The following EREG variants were observed in gnomAD, a reference collection of about 807,000 sequenced individuals.
EREG encodes the protein proepiregulin.
Under a neutral mutation model 22.4 loss-of-function variants are expected in EREG, and 23 were observed. The observed-to-expected ratio is 1.03, with a 90% CI of 0.74 to 1.46. EREG has a LOEUF of 1.46. EREG is among the 40% of genes most tolerant of loss of function. EREG has a pLI of 0.00. For missense variants in EREG, 226 were observed against 205.9 expected (o/e 1.10, Z -0.60); for synonymous variants, 100 against 75.4 (o/e 1.33, Z -1.69).
Position 74,373,533 on chromosome 4 carries a change from A to T in EREG, c.68-5915A>T, listed in dbSNP as rs144177748. On this transcript the variant is annotated intron_variant, in intron 1 of 4. Coordinates refer to ENST00000244869, the MANE Select transcript of EREG (RefSeq NM_001432.3). ...TTAATGAAGTGCAGTTACAAAGCTA[A>T]CATTAAAAATATATAGGAATAGAAT... Among the ~76,000 whole-genome samples the T allele has an allele frequency of 3.6e-3, 539 of 151,198 alleles. 3 individuals are homozygous for T. The highest frequency in any genetic ancestry group is 0.013 in the African/African-American group (519 of 41,362).
In EREG at chr4:74,365,780, T is replaced by C. The variant is rs938001097; in HGVS notation, c.67+405T>C. On this transcript the variant is annotated intron_variant, in intron 1 of 4. Transcript: ENST00000244869. ...GGAGAGTGGGGAATAGAAACTAGCGTAAGAAATTTTTTGGAGGGGGGAAAA... is the reference window on the plus strand; with the variant it reads ...GGAGAGTGGGGAATAGAAACTAGCGCAAGAAATTTTTTGGAGGGGGGAAAA... Among the ~76,000 whole-genome samples the C allele has an allele frequency of 2.2e-4, 33 of 151,352 alleles. 1 individual carries two copies. The highest frequency in any genetic ancestry group is 8.0e-4 in the African/African-American group (33 of 41,042).
chr4:74,376,401 A>C (rs762550858), intron 1 of EREG, among the ~76,000 whole-genome samples: 1 of 152,248 alleles, frequency 6.6e-6, no homozygotes, highest in Non-Finnish European at 1.5e-5. Flanking sequence ...AGCACGTGCA[A>C]CTAAAACTCC....
chr4:74,366,702 A>C (rs1243167485), intron 1 of EREG, among the ~76,000 whole-genome samples: 2 of 152,136 alleles, frequency 1.3e-5, no homozygotes, highest in East Asian at 3.8e-4. Context: ...GAATATTCTA[A>C]TTTGAGACAG....
At position 74,387,262 on chromosome 4, in the gene EREG, A is replaced by C. The variant is rs952342995; in HGVS notation, c.*2454A>C. 4 of 152,036 alleles carry C rather than the reference A, an allele frequency of 2.6e-5. No individual in the cohort carries two copies. The highest frequency in any genetic ancestry group is 9.7e-5 in the African/African-American group (4 of 41,378). The allele number at this position is 152,036 out of a possible 1,614,324, so 9.4% of individuals were successfully genotyped here. A position where few individuals can be genotyped will look rare whatever the true frequency, so the allele number is the denominator to read the frequency against. On this transcript the variant is annotated 3_prime_UTR_variant, in exon 5 of 5. Transcript: ENST00000244869. ...CAGTCCCCTGTGGATACCAAGGTAC[A>C]ACTGTATTTATTAACGCTTACTAGA...
rs554231139 is a variant in EREG, at chr4:74,388,036, G to T, written c.*3228G>T. On this transcript the variant is annotated 3_prime_UTR_variant, in exon 5 of 5. Coordinates refer to ENST00000244869, the MANE Select transcript of EREG (RefSeq NM_001432.3). ...AAGTGATGGGAGAATTGGTATACTGGTATGACTACGTCTTAAGTCAGATTT... is the reference window on the plus strand; with the variant it reads ...AAGTGATGGGAGAATTGGTATACTGTTATGACTACGTCTTAAGTCAGATTT... The T allele has an allele frequency of 5.3e-5, 8 of 152,274 alleles. No homozygotes were observed. The East Asian group carries it at 1.5e-3, about 29-fold the overall frequency. The allele number at this position is 152,274 out of a possible 1,614,324, so 9.4% of individuals were successfully genotyped here.
At position 74,381,349 on chromosome 4, in the gene EREG, G is replaced by A. The variant is rs1752471483; in HGVS notation, c.278+212G>A. 8.6e-6 allele frequency: 4 copies of A among 464,722 alleles called. No homozygotes were observed. The East Asian group carries it at 1.1e-4, about 13-fold the overall frequency. 28.8% of individuals were successfully genotyped at this position (464,722 alleles called of 1,614,324 possible). On this transcript the variant is annotated intron_variant, in intron 3 of 4. Coordinates refer to ENST00000244869, the MANE Select transcript of EREG (RefSeq NM_001432.3). The stretch of plus-strand genomic sequence containing the variant: ...TCTTCTACCTTTTGAAGTCTCCAGA[G>A]TCTATTACTCCACTCTCTATGACCA...
intron 1 of EREG, among the ~76,000 whole-genome samples, chr4:74,375,410 C>T (rs1248078773): frequency 7.2e-6 from 1 of 139,184 alleles, no homozygotes; most frequent in East Asian, 2.2e-4. Context: ...GCTCCGCCTC[C>T]TGGGTTCAAG....
At chr4:74,371,858 T>C (rs74995503) in intron 1 of EREG, among the ~76,000 whole-genome samples, 6 of 124,294 alleles carry the variant, frequency 4.8e-5, no homozygotes, top group Non-Finnish European at 8.0e-5. Flanking sequence ...GCATTCTCTG[T>C]TTTTTTTTTT....
In EREG at chr4:74,365,378, A is replaced by G; in HGVS notation, c.67+3A>G. 6.2e-7 allele frequency: 1 copy of G among 1,611,870 alleles called. No homozygotes were observed. Among genetic ancestry groups the G allele is most frequent in the South Asian group, 1.1e-5 (1 of 91,034 alleles). On this transcript the variant is annotated splice_donor_region_variant and intron_variant, in intron 1 of 4. Transcript: ENST00000244869. ...CCCTGCGCTGCTGCTCTGCCTGGGT[A>G]AGTTCTCCCCCTCTGGCTTCCGGCC...
Position 74,382,762 on chromosome 4 carries a change from A to G in EREG, c.396A>G (p.Thr132=). 5.0e-6 allele frequency: 8 copies of G among 1,613,664 alleles called. No individual in the cohort carries two copies. The highest frequency in any genetic ancestry group is 6.8e-6 in the Non-Finnish European group (8 of 1,179,794). ...TVILIILFLI[T]VVGSTYYFCR... ...TTCTTATTATTTTGTTTCTTATCAC[A>G]GTCGTCGGTTCCACATATTATTTCT... The change falls in exon 4 of 5, where the codon ACA becomes ACG. Residue 132 remains threonine, a synonymous_variant. Coordinates refer to ENST00000244869, the MANE Select transcript of EREG (RefSeq NM_001432.3).
intron 4 of EREG, among the ~76,000 whole-genome samples, chr4:74,384,401 AAGAG>A (rs1273845710): frequency 1.3e-5 from 2 of 152,206 alleles, no homozygotes; most frequent in Admixed American, 1.3e-4. Context: ...AGGAAAAAGA[AAGAG>A]AGACAGAAAA....
Position 74,382,783 on chromosome 4 carries a change from T to A in EREG, c.417T>A (p.Tyr139Ter), listed in dbSNP as rs777166361. ...TCACAGTCGTCGGTTCCACATATTA[T>A]TTCTGCAGATGGTAAGTCAGTGTGG... Reference protein sequence around the residue: ...FLITVVGSTYYFCRWYRNRKS... With the variant: ...FLITVVGSTY The change falls in exon 4 of 5, where the codon TAT (tyrosine) becomes TAA (stop). Residue 139 changes from tyrosine (Y) to a stop codon, truncating the protein, a stop_gained. Transcript: ENST00000244869. LOFTEE classifies it high-confidence loss of function. 1.2e-6 allele frequency: 2 copies of A among 1,612,194 alleles called. No individual in the cohort carries two copies. The highest frequency in any genetic ancestry group is 4.5e-5 in the East Asian group (2 of 44,868).
Position 74,388,110 on chromosome 4 carries a change from TC to T in EREG, c.*3303del, listed in dbSNP as rs1752602262. 1.3e-5 allele frequency: 2 copies of T among 152,248 alleles called. No homozygotes were observed. The highest frequency in any genetic ancestry group is 1.3e-4 in the Admixed American group (2 of 15,280). The allele number at this position is 152,248 out of a possible 1,614,324, so 9.4% of individuals were successfully genotyped here. The stretch of plus-strand genomic sequence containing the variant: ...AATTCAATCACCACCAGGTATCAAA[TC>T]AACTTTTATGCAGCAAATATATGAT... On this transcript the variant is annotated 3_prime_UTR_variant, in exon 5 of 5. Transcript: ENST00000244869.
In EREG at chr4:74,385,612, GAC is replaced by G. The variant is rs1752557117; in HGVS notation, c.*806_*807del. ...TATGTGAGGTAATTATTGCTCAACA[GAC>G]AATTAGAAAAAAGTCCACACTTGAA... On this transcript the variant is annotated 3_prime_UTR_variant, in exon 5 of 5. Coordinates refer to ENST00000244869, the MANE Select transcript of EREG (RefSeq NM_001432.3). 3.1e-6 allele frequency: 1 copy of G among 321,858 alleles called. No individual in the cohort carries two copies. Among genetic ancestry groups the G allele is most frequent in the African/African-American group, 2.1e-5 (1 of 47,246 alleles). 19.9% of individuals were successfully genotyped at this position (321,858 alleles called of 1,614,324 possible).
intron 1 of EREG, among the ~76,000 whole-genome samples, chr4:74,378,103 C>A (rs1251697479): frequency 6.6e-6 from 1 of 152,186 alleles, no homozygotes; most frequent in Non-Finnish European, 1.5e-5. Flanking sequence ...TTAGCTACTT[C>A]AACGAAACAG....
rs749355333 is a variant in EREG, at chr4:74,365,305, G to A, written c.-4G>A. 6.2e-7 allele frequency: 1 copy of A among 1,603,286 alleles called. No homozygotes were observed. The highest frequency in any genetic ancestry group is 8.5e-7 in the Non-Finnish European group (1 of 1,179,670). ...CCAAGCCCCAGCGCCCGCTCCCATC[G>A]CCGATGACCGCGGGGAGGAGGATGG... On this transcript the variant is annotated 5_prime_UTR_variant, in exon 1 of 5. Transcript: ENST00000244869.
In EREG at chr4:74,365,359, G is replaced by A. The variant is rs1368693198; in HGVS notation, c.51G>A (p.Ala17=). The part of the protein sequence containing the change: ...MEMLCAGRVP[A]LLLCLGFHLL... ...TGCTCTGTGCCGGCAGGGTCCCTGC[G>A]CTGCTGCTCTGCCTGGGTAAGTTCT... Residue 17 remains alanine, a synonymous_variant, in exon 1 of 5, where the codon GCG becomes GCA. Transcript: ENST00000244869. The A allele has an allele frequency of 6.2e-7, 1 of 1,611,216 alleles. No individual in the cohort carries two copies.
At chr4:74,378,323 C>T (rs1318712385) in intron 1 of EREG, among the ~76,000 whole-genome samples, 1 of 152,212 alleles carries the variant, frequency 6.6e-6, no homozygotes, top group Admixed American at 6.5e-5. Context: ...GGAATCCAAA[C>T]GAAAATGTCC....
intron 1 of EREG, among the ~76,000 whole-genome samples, chr4:74,375,551 G>T (rs1752367679): frequency 6.7e-6 from 1 of 150,198 alleles, no homozygotes; most frequent in African/African-American, 2.5e-5. Flanking sequence ...GGATGGTCTC[G>T]ATATCCTGAC....
Sources: allele counts gnomAD v4.1 joint callset (sites outside exome capture counted in the v4.1 genomes callset), GRCh38; gene constraint gnomAD v4.1.1; transcripts MANE v1.5; gene names NCBI Gene and HGNC (gene_info 2026-07-23, HGNC 2026-07-21).